The following TTK variants were observed in gnomAD, a reference collection of about 807,000 sequenced individuals.
TTK encodes dual specificity protein kinase TTK.
In TTK, 59 loss-of-function variants were observed where a neutral mutation model predicts 117.3. The ratio of observed to expected loss-of-function variants is 0.50; its 90% CI spans 0.41 to 0.62. TTK has a LOEUF of 0.62. TTK is among the 20% of genes least tolerant of loss of function. The pLI is 0.00. For missense variants in TTK, 921 were observed against 989.4 expected (o/e 0.93, Z 0.93); for synonymous variants, 302 against 325.0 (o/e 0.93, Z 0.76).
Position 80,040,224 on chromosome 6 carries a change from G to C in TTK, c.2336G>C (p.Arg779Thr). Residue 779 changes from arginine (R) to threonine (T), a missense_variant, in exon 20 of 22, where the codon AGG becomes ACG. Physicochemically the swap from Arg to Thr is moderately conservative, Grantham distance 71. Transcript: ENST00000369798. ...TGTTTAAAAAGGGACCCAAAACAGA[G>C]GATATCCATTCCTGAGCTCCTGGCT... ...KCCLKRDPKQRISIPELLAHP... is the reference protein window; with the variant it reads ...KCCLKRDPKQTISIPELLAHP... 6.3e-7 allele frequency: 1 copy of C among 1,590,742 alleles called. No individual in the cohort carries two copies. Among genetic ancestry groups the C allele is most frequent in the Non-Finnish European group, 8.6e-7 (1 of 1,169,514 alleles).
At chr6:80,011,661 A>G (rs549026620) in intron 6 of TTK, 68 bp from the exon 7 acceptor site, 2 of 1,572,376 alleles carry the variant, frequency 1.3e-6, no homozygotes, top group African/African-American at 2.7e-5. Context: ...GATAATGTTT[A>G]GCAGTAGAGT....
rs1191023541 is a variant in TTK at position 80,040,214 on chromosome 6, C to A, written c.2326C>A (p.Pro776Thr). ...TTAATAGTGTTGTTTAAAAAGGGAC[C>A]CAAAACAGAGGATATCCATTCCTGA... is the stretch of plus-strand genomic sequence containing the variant. ...DVLKCCLKRD[P>T]KQRISIPELL... Residue 776 changes from proline to threonine, a missense_variant, in exon 20 of 22, where the codon CCA becomes ACA. Transcript: ENST00000369798. 1 of 1,587,034 alleles carries A rather than the reference C, an allele frequency of 6.3e-7. No homozygotes were observed. Among genetic ancestry groups the A allele is most frequent in the African/African-American group, 1.4e-5 (1 of 73,746 alleles).
At chr6:80,031,326 G>A (rs1251646163) in intron 13 of TTK, 141 bp from the exon 14 acceptor site, 7 of 428,780 alleles carry the variant, frequency 1.6e-5, no homozygotes, top group African/African-American at 2.1e-5. Flanking sequence ...ATTAAGTAGA[G>A]CAAGTCCTTT....
At chr6:80,037,863 AGT>A in intron 17 of TTK, 102 bp from the exon 18 acceptor site, 1 of 443,958 alleles carries the variant, frequency 2.3e-6, no homozygotes, top group Non-Finnish European at 3.3e-6. Flanking sequence ...TAAAACTTAA[AGT>A]ATAATAATAA....
In TTK at chr6:80,035,005, A is replaced by G. The variant is rs1464789553; in HGVS notation, c.1635A>G (p.Glu545=). 6.4e-7 allele frequency: 1 copy of G among 1,572,188 alleles called. No homozygotes were observed. Among genetic ancestry groups the G allele is most frequent in the Admixed American group, 2.0e-5 (1 of 49,252 alleles). Residue 545 remains glutamate, a synonymous_variant, in exon 15 of 22, where the codon GAA becomes GAG. Coordinates refer to ENST00000369798, the MANE Select transcript of TTK (RefSeq NM_003318.5). ...TGTAGGTATTTCAGGTGTTAAATGA[A>G]AAGAAACAGATATATGCTATAAAAT... ...GSSKVFQVLN[E]KKQIYAIKYV...
intron 13 of TTK, among the ~76,000 whole-genome samples, chr6:80,030,296 G>C (rs1196579446): frequency 1.3e-5 from 2 of 152,162 alleles, no homozygotes; most frequent in East Asian, 3.9e-4. Flanking sequence ...TAGGTACACA[G>C]AGAGATCCTC....
At chr6:80,039,950 A>C (rs1424515309) in intron 19 of TTK, 78 bp downstream of exon 19, 5 of 1,200,116 alleles carry the variant, frequency 4.2e-6, no homozygotes, top group East Asian at 5.6e-5. Context: ...ACTGGCTTAG[A>C]TATAACTGTT....
At position 80,007,991 on chromosome 6, in the gene TTK, A is replaced by ACGTC; in HGVS notation, c.322_323insCGTC (p.Ser108ThrfsTer5). 1 of 1,591,594 alleles carries ACGTC rather than the reference A, an allele frequency of 6.3e-7. No homozygotes were observed. Among genetic ancestry groups the ACGTC allele is most frequent in the Non-Finnish European group, 8.6e-7 (1 of 1,160,002 alleles). ...CCCAGATAAATATGGCCAAAATGAG[A>ACGTC]GTTTTGCTAGAATTCAAGTGAGATT... On this transcript the variant is annotated frameshift_variant, in exon 3 of 22. Coordinates refer to ENST00000369798, the MANE Select transcript of TTK (RefSeq NM_003318.5). LOFTEE classifies it high-confidence loss of function.
chr6:80,042,290 GACA>G lies in TTK; in HGVS notation c.*92_*94del. 9.3e-7 allele frequency: 1 copy of G among 1,072,742 alleles called. No homozygotes were observed. The allele number at this position is 1,072,742 out of a possible 1,614,324, so 66.5% of individuals were successfully genotyped here. A position where few individuals can be genotyped will look rare whatever the true frequency, so the allele number is the denominator to read the frequency against. On this transcript the variant is annotated 3_prime_UTR_variant, in exon 22 of 22. Coordinates refer to ENST00000369798, the MANE Select transcript of TTK (RefSeq NM_003318.5). ...ATCCCTGTGGAAATCTACATTTGAA[GACA>G]ACATCACTCTGAAGTGTTATCAGCA...
intron 13 of TTK, among the ~76,000 whole-genome samples, chr6:80,031,027 A>G (rs1274520741): frequency 6.7e-6 from 1 of 150,008 alleles, no homozygotes; most frequent in Non-Finnish European, 1.5e-5. Context: ...TCTGGGAGGC[A>G]GAGTGAGATG....
At chr6:80,008,242 T>G in intron 3 of TTK, 144 bp from the exon 4 acceptor site, 3 of 1,015,876 alleles carry the variant, frequency 3.0e-6, no homozygotes, top group Non-Finnish European at 4.2e-6. Context: ...CTAAAAAGAT[T>G]TTTTTAAAAT....
At chr6:80,011,092 C>A in intron 5 of TTK, 135 bp downstream of exon 5, 8 of 1,160,680 alleles carry the variant, frequency 6.9e-6, no homozygotes, top group Non-Finnish European at 9.1e-6. Flanking sequence ...GGAGGTAAGA[C>A]TGAGAAGTAA....
intron 16 of TTK, 38 bp downstream of exon 16, chr6:80,035,455 CTT>C (rs1767878854): frequency 6.5e-7 from 1 of 1,547,192 alleles, no homozygotes; most frequent in Non-Finnish European, 8.7e-7. Context: ...AGGTTAAAAT[CTT>C]TGTTAATAGT....
intron 10 of TTK, among the ~76,000 whole-genome samples, chr6:80,019,244 T>C (rs2127674124): frequency 6.6e-6 from 1 of 152,306 alleles, no homozygotes; most frequent in East Asian, 1.9e-4. Context: ...AGAGGTCTTG[T>C]AACTGACTTA....
chr6:80,018,880 A>G (rs935325672), intron 10 of TTK, among the ~76,000 whole-genome samples: 1 of 152,082 alleles, frequency 6.6e-6, no homozygotes, highest in Non-Finnish European at 1.5e-5. Context: ...TGAGGCTACT[A>G]ATAATAGTTT....
chr6:80,036,358 A>G (rs1192520429), intron 16 of TTK, 117 bp from the exon 17 acceptor site: 1 of 1,222,272 alleles, frequency 8.2e-7, no homozygotes, highest in African/African-American at 1.5e-5. Flanking sequence ...TAAAAAAATT[A>G]TTGAATTGGG....
intron 11 of TTK, among the ~76,000 whole-genome samples, chr6:80,025,959 A>T (rs573737563): frequency 1.4e-5 from 2 of 146,402 alleles, no homozygotes; most frequent in East Asian, 4.0e-4. Context: ...GTCATTCCAC[A>T]TTTTGCTAAG....
chr6:80,040,836 T>C, intron 21 of TTK, 133 bp downstream of exon 21: 2 of 689,262 alleles, frequency 2.9e-6, no homozygotes, highest in Non-Finnish European at 4.8e-6. Context: ...TACATTTAGA[T>C]ACTTAACATG....
rs924069955 is a variant in TTK at position 80,010,960 on chromosome 6, A to G, written c.613+3A>G. 1.2e-6 allele frequency: 2 copies of G among 1,611,302 alleles called. No homozygotes were observed. Among genetic ancestry groups the G allele is most frequent in the Non-Finnish European group, 1.7e-6 (2 of 1,178,168 alleles). On this transcript the variant is annotated splice_donor_region_variant and intron_variant, in intron 5 of 21. Coordinates refer to ENST00000369798, the MANE Select transcript of TTK (RefSeq NM_003318.5). ...GGAGGAAAAGAAGAATTTATCAGGT[A>G]ACTATTAAGGTATACTAATACTTTC...
Sources: gnomAD v4.1 joint callset for allele counts (sites outside exome capture counted in the v4.1 genomes callset) on GRCh38, gnomAD v4.1.1 for gene constraint, MANE v1.5 for transcripts, NCBI Gene and HGNC (gene_info 2026-07-23, HGNC 2026-07-21) for gene names.